The following ANXA13 variants were observed in gnomAD, a reference collection of about 807,000 sequenced individuals.
ANXA13 encodes annexin A13.
In ANXA13, 36 loss-of-function variants were observed where a neutral mutation model predicts 46.6. The ratio of observed to expected loss-of-function variants is 0.77; its 90% CI spans 0.59 to 1.02. ANXA13 has a LOEUF of 1.02. ANXA13 is among the 50% of genes least tolerant of loss of function. The pLI is 0.00. For missense variants in ANXA13, 417 were observed against 396.5 expected (o/e 1.05, Z -0.44); for synonymous variants, 163 against 152.9 (o/e 1.07, Z -0.49).
At chr8:123,733,788 T>C (rs1814185264) in intron 1 of ANXA13, among the ~76,000 whole-genome samples, 1 of 152,204 alleles carries the variant, frequency 6.6e-6, no homozygotes, top group African/African-American at 2.4e-5. Flanking sequence ...CAAACCCTGA[T>C]GCGCAGGACA....
At chr8:123,736,934 C>T (rs960463854) in intron 1 of ANXA13, among the ~76,000 whole-genome samples, 6 of 149,084 alleles carry the variant, frequency 4.0e-5, no homozygotes, top group East Asian at 2.0e-4. Flanking sequence ...TTGCAACCTC[C>T]GCCTCCCAGG....
At chr8:123,702,940 AC>A (rs1813472158) in intron 2 of ANXA13, among the ~76,000 whole-genome samples, 3 of 152,318 alleles carry the variant, frequency 2.0e-5, no homozygotes, top group Admixed American at 2.0e-4. Context: ...TTGAGGCCTC[AC>A]AGCACATGGC....
At chr8:123,693,129 G>A in intron 8 of ANXA13, 68 bp downstream of exon 8, 2 of 1,398,464 alleles carry the variant, frequency 1.4e-6, no homozygotes, top group Non-Finnish European at 2.0e-6. Context: ...GCAGATCTTG[G>A]CTTCTTTTGG....
intron 9 of ANXA13, among the ~76,000 whole-genome samples, chr8:123,686,923 C>CT (rs1320636353): frequency 6.6e-6 from 1 of 152,312 alleles, no homozygotes; most frequent in East Asian, 1.9e-4. Flanking sequence ...TTTCTAATCA[C>CT]TTTTTTTCGC....
At chr8:123,711,992 G>A (rs2129897140) in intron 2 of ANXA13, 1 of 153,014 alleles carries the variant, frequency 6.5e-6, no homozygotes, top group South Asian at 2.1e-4. Context: ...CTAGGGAAGG[G>A]ATCAGAGGGG....
At chr8:123,701,261 G>C (rs1813442089) in intron 3 of ANXA13, among the ~76,000 whole-genome samples, 1 of 152,184 alleles carries the variant, frequency 6.6e-6, no homozygotes, top group Admixed American at 6.5e-5. Flanking sequence ...CACGAAGTCA[G>C]GAGTTTGAGA....
At chr8:123,718,004 A>T (rs1388019043) in intron 1 of ANXA13, among the ~76,000 whole-genome samples, 1 of 152,248 alleles carries the variant, frequency 6.6e-6, no homozygotes, top group Admixed American at 6.5e-5. Context: ...CCAGAGAAAG[A>T]GTAAAGCCAT....
chr8:123,687,159 C>T (rs1813155562), intron 9 of ANXA13, among the ~76,000 whole-genome samples: 1 of 152,150 alleles, frequency 6.6e-6, no homozygotes, highest in Non-Finnish European at 1.5e-5. Context: ...AAACCCTGGG[C>T]CCAGGCAGGT....
In ANXA13 at chr8:123,712,717, G is replaced by A. The variant is rs1048221390; in HGVS notation, c.52C>T (p.Arg18Ter). 2.5e-6 allele frequency: 4 copies of A among 1,614,164 alleles called. No homozygotes were observed. Among genetic ancestry groups the A allele is most frequent in the Non-Finnish European group, 2.5e-6 (3 of 1,180,030 alleles). ...GCTTTGTTCAGCTTTTTGGCATCTCGATCCACATCAAAACCCTGAGGACTG... is the reference window on the plus strand; with the variant it reads ...GCTTTGTTCAGCTTTTTGGCATCTCAATCCACATCAAAACCCTGAGGACTG... The part of the protein sequence containing the change: ...ASSPQGFDVD[R>*]DAKKLNKACK... Residue 18 changes from arginine (R) to a stop codon, truncating the protein, a stop_gained, in exon 2 of 11, where the codon CGA becomes TGA. Transcript: ENST00000419625. LOFTEE classifies it high-confidence loss of function.
intron 6 of ANXA13, among the ~76,000 whole-genome samples, chr8:123,694,420 T>C (rs1321614527): frequency 6.6e-6 from 1 of 152,180 alleles, no homozygotes; most frequent in Non-Finnish European, 1.5e-5. Flanking sequence ...AGGTCAGAGA[T>C]GGAAGAAGTC....
chr8:123,693,920 C>G (rs1170044582), intron 6 of ANXA13, 141 bp from the exon 7 acceptor site: 1 of 699,870 alleles, frequency 1.4e-6, no homozygotes, highest in African/African-American at 1.8e-5. Flanking sequence ...GAGGAAACAC[C>G]TGCTCTTTGC....
chr8:123,688,741 T>C (rs1424249746), intron 9 of ANXA13, 130 bp downstream of exon 9: 2 of 757,668 alleles, frequency 2.6e-6, no homozygotes, highest in Non-Finnish European at 4.6e-6. Flanking sequence ...CTCTCTCTCT[T>C]GCTCAGTGCT....
At chr8:123,698,238 T>A in intron 4 of ANXA13, 151 bp downstream of exon 4, 1 of 732,068 alleles carries the variant, frequency 1.4e-6, no homozygotes, top group Admixed American at 3.0e-5. Flanking sequence ...CTGGAAGAGA[T>A]GTCCTCCCAC....
At chr8:123,687,651 C>A (rs1361147124) in intron 9 of ANXA13, among the ~76,000 whole-genome samples, 2 of 152,056 alleles carry the variant, frequency 1.3e-5, no homozygotes, top group African/African-American at 4.8e-5. Context: ...CCAAAGAAAC[C>A]AAACAAAAGA....
At chr8:123,697,307 A>G (rs193100745) in intron 4 of ANXA13, among the ~76,000 whole-genome samples, 82 of 152,268 alleles carry the variant, frequency 5.4e-4, no homozygotes, top group African/African-American at 1.9e-3. Flanking sequence ...TGCTTCTGAG[A>G]AGGGTGGATG....
chr8:123,689,151 A>G (rs1270399427), intron 8 of ANXA13, among the ~76,000 whole-genome samples: 2 of 151,782 alleles, frequency 1.3e-5, no homozygotes, highest in Non-Finnish European at 2.9e-5. Context: ...GAGTCAGTCT[A>G]GATTTGACTC....
In ANXA13 at chr8:123,719,711, A is replaced by T. The variant is rs549244202; in HGVS notation, c.16-6958T>A. Reference sequence around the variant, plus strand: ...TCTGTGTACTTGCGTGCTTACTATGACCTATCAATGTGCTAACATGATTGC... The same window carrying T: ...TCTGTGTACTTGCGTGCTTACTATGTCCTATCAATGTGCTAACATGATTGC... On this transcript the variant is annotated intron_variant, in intron 1 of 10. Coordinates refer to ENST00000419625, the MANE Select transcript of ANXA13 (RefSeq NM_004306.4). Among the ~76,000 whole-genome samples, 53 of 152,236 alleles carry T rather than the reference A, an allele frequency of 3.5e-4. 1 individual carries two copies. The highest frequency in any genetic ancestry group is 1.3e-3 in the African/African-American group (52 of 41,514).
intron 2 of ANXA13, among the ~76,000 whole-genome samples, chr8:123,704,758 T>A (rs146458086): frequency 3.7e-4 from 56 of 152,278 alleles, no homozygotes; most frequent in African/African-American, 1.3e-3. Flanking sequence ...CCTTTCCCAG[T>A]CTTTCCTTTC....
intron 1 of ANXA13, 104 bp from the exon 2 acceptor site, chr8:123,712,857 A>G: frequency 1.0e-6 from 1 of 958,188 alleles, no homozygotes; most frequent in South Asian, 1.4e-5. Flanking sequence ...CATCCTAACC[A>G]GGGACCAGCT....
Sources: gnomAD v4.1 joint callset for allele counts (sites outside exome capture counted in the v4.1 genomes callset) on GRCh38, gnomAD v4.1.1 for gene constraint, MANE v1.5 for transcripts, NCBI Gene and HGNC (gene_info 2026-07-23, HGNC 2026-07-21) for gene names.